Variants in NLRP4 observed in about 807,000 individuals in gnomAD.
NLRP4 encodes the protein NACHT, LRR and PYD domains-containing protein 4.
Under a neutral mutation model 84.7 loss-of-function variants are expected in NLRP4, and 44 were observed. That is an observed-to-expected ratio of 0.52 (90% CI 0.41 to 0.67). NLRP4 has a LOEUF of 0.67. Ranked by LOEUF, NLRP4 falls within the 30% of genes least tolerant of loss-of-function variation. NLRP4 has a pLI of 0.00. For synonymous variants in NLRP4, 544 were observed against 476.4 expected (o/e 1.14, Z -1.85); for missense variants, 1,260 against 1,219.4 (o/e 1.03, Z -0.50).
chr19:55,837,509 T>G (rs1193041361), intron 1 of NLRP4, among the ~76,000 whole-genome samples: 1 of 152,126 alleles, frequency 6.6e-6, no homozygotes, highest in Non-Finnish European at 1.5e-5. Context: ...ATGCCATTTG[T>G]TTAGACTATG....
intron 6 of NLRP4, among the ~76,000 whole-genome samples, chr19:55,869,210 A>G (rs1985077197): frequency 6.6e-6 from 1 of 151,992 alleles, no homozygotes; most frequent in Non-Finnish European, 1.5e-5. Flanking sequence ...AAATACAAAA[A>G]TTAGCTGGGT....
At chr19:55,851,783 T>C (rs1412197425) in intron 1 of NLRP4, among the ~76,000 whole-genome samples, 1 of 152,144 alleles carries the variant, frequency 6.6e-6, no homozygotes, top group Non-Finnish European at 1.5e-5. Flanking sequence ...GCCTGGATAT[T>C]GAGGCTATGT....
rs754907629 is a variant in NLRP4 at position 55,858,490 on chromosome 19, A to G, written c.1097A>G (p.Gln366Arg). 5.0e-6 allele frequency: 8 copies of G among 1,614,166 alleles called. No individual in the cohort carries two copies. In the East Asian group the frequency reaches 1.8e-4, roughly 36 times the overall value. The change falls in exon 3 of 10, where the codon CAG becomes CGG. Residue 366 changes from glutamine (Q) to arginine (R), a missense_variant. Physicochemically the swap from Gln to Arg is conservative, Grantham distance 43 (BLOSUM62 1). This residue lies in a region of NLRP4 where 712 missense variants were observed against 669.2 expected (regional missense o/e 1.06). Coordinates refer to ENST00000301295, the MANE Select transcript of NLRP4 (RefSeq NM_134444.5). The surrounding 1 kb of genome is among the most constrained non-coding windows in gnomAD (Gnocchi z 4.2). ...GGAAAAGACCTGGCCCTGACCTGCCAGAGCACTACCTCTGTGTACTCCTCT... is the reference window on the plus strand; with the variant it reads ...GGAAAAGACCTGGCCCTGACCTGCCGGAGCACTACCTCTGTGTACTCCTCT... ...QKGKDLALTC[Q>R]STTSVYSSFV... is the part of the protein sequence containing the mutation.
Position 55,858,292 on chromosome 19 carries a change from G to A in NLRP4, c.899G>A (p.Arg300Gln), listed in dbSNP as rs140936017. The change falls in exon 3 of 10, where the codon CGG becomes CAG. Residue 300 changes from arginine to glutamine, a missense_variant. By Grantham distance (43) the Arg-to-Gln change is conservative. Transcript: ENST00000301295. This position sits in a 1 kb window ranked among gnomAD's most constrained non-coding sequence, Gnocchi z 4.2. The part of the protein sequence containing the change: ...QVTISEIYQP[R>Q]GFNESDRLVY... ...ACGATCTCAGAAATCTACCAGCCCC[G>A]GGGATTCAACGAGAGTGATAGGTTA... 9.3e-6 allele frequency: 15 copies of A among 1,614,010 alleles called. No homozygotes were observed. Among genetic ancestry groups the A allele is most frequent in the Admixed American group, 6.7e-5 (4 of 59,990 alleles).
At chr19:55,873,513 G>A (rs929425614) in intron 7 of NLRP4, among the ~76,000 whole-genome samples, 2 of 152,006 alleles carry the variant, frequency 1.3e-5, no homozygotes, top group African/African-American at 2.4e-5. Context: ...ATATTAAAAC[G>A]TAACTAATGT....
chr19:55,847,680 T>C (rs1367816509), intron 1 of NLRP4, among the ~76,000 whole-genome samples: 1 of 142,970 alleles, frequency 7.0e-6, no homozygotes. Context: ...ACTAAGATTA[T>C]TCTTTCTTCA....
intron 1 of NLRP4, among the ~76,000 whole-genome samples, chr19:55,848,730 A>G (rs1187407066): frequency 3.9e-5 from 6 of 152,120 alleles, no homozygotes; most frequent in Non-Finnish European, 7.4e-5. Context: ...AGAAGTCTCT[A>G]TGTACAACCC....
Position 55,861,567 on chromosome 19 carries a change from C to T in NLRP4, c.2018+20C>T, listed in dbSNP as rs539579020. On this transcript the variant is annotated intron_variant, in intron 4 of 9. Transcript: ENST00000301295. ...GCTTGGGTGAGTTGAGAATCGACTTCGACTCGAGTATGTCACGGAGATGAC... is the reference window on the plus strand; with the variant it reads ...GCTTGGGTGAGTTGAGAATCGACTTTGACTCGAGTATGTCACGGAGATGAC... 30 of 1,609,668 alleles carry T rather than the reference C, an allele frequency of 1.9e-5. No homozygotes were observed. In the East Asian group the frequency reaches 2.0e-4, roughly 11 times the overall value.
At chr19:55,866,971 G>C (rs971899595) in intron 5 of NLRP4, among the ~76,000 whole-genome samples, 4 of 152,118 alleles carry the variant, frequency 2.6e-5, no homozygotes, top group African/African-American at 7.2e-5. Flanking sequence ...GCTAAGCCAA[G>C]CATGCATATA....
At chr19:55,870,183 A>ATACACTT (rs1477914631) in intron 6 of NLRP4, among the ~76,000 whole-genome samples, 1 of 152,208 alleles carries the variant, frequency 6.6e-6, no homozygotes, top group African/African-American at 2.4e-5. Context: ...GAGGTAATCA[A>ATACACTT]TACACTTTAC....
intron 5 of NLRP4, among the ~76,000 whole-genome samples, chr19:55,866,125 C>G (rs574850346): frequency 7.9e-5 from 12 of 152,264 alleles, no homozygotes; most frequent in African/African-American, 2.9e-4. Context: ...CCTCCGCCTC[C>G]TGGGTTCAAG....
rs757818979 is a variant in NLRP4, at chr19:55,858,108, G to C, written c.715G>C (p.Gly239Arg). The C allele has an allele frequency of 6.2e-7, 1 of 1,614,022 alleles. No homozygotes were observed. Among genetic ancestry groups the C allele is most frequent in the African/African-American group, 1.3e-5 (1 of 74,920 alleles). ...VIDSFEELQG[G>R]LNEPDSDLCG... ...CGACAGCTTCGAAGAGCTGCAGGGCGGCTTGAACGAACCCGATTCGGATCT... is the reference window on the plus strand; with the variant it reads ...CGACAGCTTCGAAGAGCTGCAGGGCCGCTTGAACGAACCCGATTCGGATCT... Residue 239 changes from glycine to arginine, a missense_variant, in exon 3 of 10, where the codon GGC (glycine) becomes CGC (arginine). Coordinates refer to ENST00000301295, the MANE Select transcript of NLRP4 (RefSeq NM_134444.5). This position sits in a 1 kb window ranked among gnomAD's most constrained non-coding sequence, Gnocchi z 4.2.
In NLRP4 at chr19:55,881,483, G is replaced by T; in HGVS notation, c.2881G>T (p.Asp961Tyr). The change falls in exon 10 of 10, where the codon GAT becomes TAT. Residue 961 changes from aspartate (D) to tyrosine (Y), a missense_variant. By Grantham distance (160) the Asp-to-Tyr change is radical. Coordinates refer to ENST00000301295, the MANE Select transcript of NLRP4 (RefSeq NM_134444.5). The part of the protein sequence containing the change: ...ALQVLGLRKT[D>Y]FDEETQALLT... ...ATATTTTACCAGGCTGAGAAAAACT[G>T]ATTTTGATGAGGAAACCCAGGCACT... 6.3e-7 allele frequency: 1 copy of T among 1,586,386 alleles called. No individual in the cohort carries two copies. The highest frequency in any genetic ancestry group is 8.7e-7 in the Non-Finnish European group (1 of 1,155,882).
Position 55,870,864 on chromosome 19 carries a change from T to C in NLRP4, c.2392T>C (p.Tyr798His). 6.2e-7 allele frequency: 1 copy of C among 1,614,200 alleles called. No homozygotes were observed. Among genetic ancestry groups the C allele is most frequent in the Non-Finnish European group, 8.5e-7 (1 of 1,179,996 alleles). The change falls in exon 7 of 10, where the codon TAC becomes CAC. Residue 798 changes from tyrosine (Y) to histidine (H), a missense_variant. This residue lies in a region of NLRP4 where 544 missense variants were observed against 531.7 expected (regional missense o/e 1.02). Coordinates refer to ENST00000301295, the MANE Select transcript of NLRP4 (RefSeq NM_134444.5). Reference sequence around the variant, plus strand: ...CCACCTCAGCGAGCAGTGCTGCGAATACATCTCTGAAATGCTTCTGCGTAA... The same window carrying C: ...CCACCTCAGCGAGCAGTGCTGCGAACACATCTCTGAAATGCTTCTGCGTAA... ...FCHLSEQCCE[Y>H]ISEMLLRNKS...
rs189840385 is a variant in NLRP4 at position 55,840,530 on chromosome 19, C to G, written c.-66+3596C>G. Among the ~76,000 whole-genome samples the G allele has an allele frequency of 4.4e-3, 672 of 152,138 alleles. 3 individuals are homozygous for G. The highest frequency in any genetic ancestry group is 0.015 in the African/African-American group (618 of 41,516). On this transcript the variant is annotated intron_variant, in intron 1 of 9. Coordinates refer to ENST00000301295, the MANE Select transcript of NLRP4 (RefSeq NM_134444.5). ...TCCCGAGTAGCTGGGATTACAGGTG[C>G]CTGCCACCACGCCCAGCTAATTTAT...
In NLRP4 at chr19:55,857,699, C is replaced by T. The variant is rs778459612; in HGVS notation, c.306C>T (p.His102=). 1.8e-5 allele frequency: 29 copies of T among 1,613,316 alleles called. No homozygotes were observed. Among genetic ancestry groups the T allele is most frequent in the South Asian group, 1.8e-4 (16 of 91,078 alleles). ...RTGYTKTYQA[H]AKQKFSRLWS... ...GATACACAAAGACCTATCAAGCTCACGCAAAGCAGAAATTCAGCCGCTTAT... is the reference window on the plus strand; with the variant it reads ...GATACACAAAGACCTATCAAGCTCATGCAAAGCAGAAATTCAGCCGCTTAT... The change falls in exon 3 of 10, where the codon CAC becomes CAT. Residue 102 remains histidine (H), a synonymous_variant. Coordinates refer to ENST00000301295, the MANE Select transcript of NLRP4 (RefSeq NM_134444.5).
intron 1 of NLRP4, among the ~76,000 whole-genome samples, chr19:55,838,029 C>G (rs1313641291): frequency 9.4e-6 from 1 of 106,328 alleles, no homozygotes; most frequent in Admixed American, 9.8e-5. Flanking sequence ...GAATGAGACT[C>G]GGTCTCAAGC....
chr19:55,879,941 TAATTTA>T (rs1985524735), intron 9 of NLRP4, among the ~76,000 whole-genome samples: 1 of 151,730 alleles, frequency 6.6e-6, no homozygotes, highest in Non-Finnish European at 1.5e-5. Context: ...TATATAAACA[TAATTTA>T]TATTTTAATT....
chr19:55,841,707 A>C (rs1469184533), intron 1 of NLRP4, among the ~76,000 whole-genome samples: 1 of 148,042 alleles, frequency 6.8e-6, no homozygotes, highest in Non-Finnish European at 1.5e-5. Context: ...TTAAAAATAC[A>C]AAAAAAAGTT....
Sources: gnomAD v4.1 joint callset for allele counts (sites outside exome capture counted in the v4.1 genomes callset) on GRCh38, gnomAD v4.1.1 for gene constraint, gnomAD v4.1.1 regional missense constraint, Gnocchi (gnomAD v3.1) non-coding constraint, MANE v1.5 for transcripts, NCBI Gene and HGNC (gene_info 2026-07-23, HGNC 2026-07-21) for gene names.